DIP2C: variants seen among roughly 807,000 people sequenced by gnomAD.
The protein encoded by DIP2C is DIP2 acetate--CoA ligase C (putative).
DIP2C carries 33 observed loss-of-function variants against 192.4 expected under a neutral mutation model. The observed-to-expected ratio is 0.17, with a 90% CI of 0.13 to 0.23. DIP2C has a LOEUF of 0.23. DIP2C is among the 10% of genes least tolerant of loss of function. DIP2C has a pLI of 1.00. For synonymous variants in DIP2C, 979 were observed against 864.1 expected, an observed-to-expected ratio of 1.13 and a Z score of -2.33; for missense variants, 1,537 against 2,110.1, an observed-to-expected ratio of 0.73 and a Z score of 5.32.
intron 3 of DIP2C, among the ~76,000 whole-genome samples, chr10:453,885 C>T (rs1969063509): frequency 6.6e-6 from 1 of 152,170 alleles, no homozygotes; most frequent in African/African-American, 2.4e-5. Flanking sequence ...GGCTGCCATG[C>T]AACACAGAGG....
At chr10:298,987 G>T (rs1172357617) in intron 32 of DIP2C, among the ~76,000 whole-genome samples, 1 of 152,212 alleles carries the variant, frequency 6.6e-6, no homozygotes, top group Non-Finnish European at 1.5e-5. Flanking sequence ...ATATGTTTAT[G>T]AGCATGTGTA....
intron 1 of DIP2C, among the ~76,000 whole-genome samples, chr10:506,617 G>A (rs1216784034): frequency 2.0e-5 from 3 of 152,144 alleles, no homozygotes; most frequent in Non-Finnish European, 4.4e-5. Flanking sequence ...CCAGCAACAC[G>A]CATGCCTACA....
intron 1 of DIP2C, among the ~76,000 whole-genome samples, chr10:603,659 G>C (rs997696692): frequency 3.3e-5 from 5 of 152,140 alleles, no homozygotes; most frequent in African/African-American, 7.2e-5. Flanking sequence ...TTATAATTTA[G>C]GGCACACAAA....
intron 1 of DIP2C, among the ~76,000 whole-genome samples, chr10:542,762 C>T (rs1231452120): frequency 5.9e-5 from 9 of 151,832 alleles, no homozygotes; most frequent in Admixed American, 5.2e-4. Context: ...GGGTTCTGAC[C>T]TTGTCCCTCT....
chr10:326,923 G>C lies in DIP2C; in HGVS notation c.3924+83C>G. The stretch of plus-strand genomic sequence containing the variant: ...TGGATGTAGCTAAGCATCAGCCGAG[G>C]GAGACGAGTGGAGCCAGTCTGTGCT... On this transcript the variant is annotated intron_variant, in intron 31 of 36. Transcript: ENST00000280886. 4.7e-6 allele frequency: 7 copies of C among 1,489,710 alleles called. No homozygotes were observed. In the South Asian group the frequency reaches 9.3e-5, roughly 20 times the overall value. 92.3% of individuals were successfully genotyped at this position (1,489,710 alleles called of 1,614,324 possible).
intron 1 of DIP2C, among the ~76,000 whole-genome samples, chr10:599,605 G>A (rs990053995): frequency 1.3e-5 from 2 of 152,178 alleles, no homozygotes; most frequent in Admixed American, 6.5e-5. Flanking sequence ...CCTGAAAAGG[G>A]CAAAATCGCA....
chr10:360,012 G>T (rs1959251223), intron 22 of DIP2C, among the ~76,000 whole-genome samples: 1 of 152,230 alleles, frequency 6.6e-6, no homozygotes, highest in African/African-American at 2.4e-5. Context: ...GCCTAAATGG[G>T]TTCCAAGGTT....
At position 415,887 on chromosome 10, in the gene DIP2C, T is replaced by C; in HGVS notation, c.741A>G (p.Gly247=). The C allele has an allele frequency of 6.2e-7, 1 of 1,613,640 alleles. No individual in the cohort carries two copies. The highest frequency in any genetic ancestry group is 8.5e-7 in the Non-Finnish European group (1 of 1,179,916). Residue 247 remains glycine, a splice_region_variant and synonymous_variant, in exon 7 of 37, where the codon GGA becomes GGG. Transcript: ENST00000280886. ...GNAELMETGD[G]VPVSSRVSAK... ...CTGACACCCGGCTACTTACTGGTAC[T>C]CCTGAAAAACAGGAATCAGCGGGTG...
intron 10 of DIP2C, among the ~76,000 whole-genome samples, chr10:397,646 C>G (rs1188060793): frequency 6.6e-6 from 1 of 152,242 alleles, no homozygotes; most frequent in African/African-American, 2.4e-5. Context: ...TCCTCCTACA[C>G]GACTGGCCGC....
intron 4 of DIP2C, among the ~76,000 whole-genome samples, chr10:424,360 T>G (rs1966430139): frequency 2.3e-5 from 1 of 44,402 alleles, no homozygotes; most frequent in Non-Finnish European, 3.9e-5. Context: ...CTTGGGTTTT[T>G]TTTTTTTTTT....
intron 23 of DIP2C, among the ~76,000 whole-genome samples, chr10:356,914 TGA>T (rs1959108456): frequency 6.6e-6 from 1 of 152,282 alleles, no homozygotes; most frequent in Admixed American, 6.5e-5. Flanking sequence ...GTGGCTACAG[TGA>T]GAGAATCAGA....
rs12774999 is a variant in DIP2C, at chr10:417,734, G to T, written c.739+1331C>A. On this transcript the variant is annotated intron_variant, in intron 6 of 36. Coordinates refer to ENST00000280886, the MANE Select transcript of DIP2C (RefSeq NM_014974.3). ...CAAATAGGCCTCCCTGTCTGCCTGC[G>T]CCTGTCAGGGCTCGGATAGGCATCC... 1.0e-3 allele frequency among the ~76,000 whole-genome samples: 100 copies of T among 100,298 alleles called. 3 individuals carry two copies. Among genetic ancestry groups the T allele is most frequent in the African/African-American group, 1.5e-3 (40 of 25,936 alleles). The allele number at this position is 100,298 out of a possible 152,430, so 65.8% of individuals were successfully genotyped here.
chr10:487,430 TCTGCCTCCACGG>T (rs1167011956), intron 1 of DIP2C, among the ~76,000 whole-genome samples: 3 of 152,238 alleles, frequency 2.0e-5, no homozygotes, highest in East Asian at 1.9e-4. Context: ...GGATGCTGCC[TCTGCCTCCACGG>T]CTGCCTCCAC....
rs1397593079 is a variant in DIP2C, at chr10:689,092, C to T, written c.85+402G>A. On this transcript the variant is annotated intron_variant, in intron 1 of 36. Coordinates refer to ENST00000280886, the MANE Select transcript of DIP2C (RefSeq NM_014974.3). The surrounding 1 kb of genome is among the most constrained non-coding windows in gnomAD (Gnocchi z 6.1). ...GCAGAGCGCACGGGAAGGCCGATCC[C>T]GCCGGGCCCGCTGCATCCTGCGTCC... Among the ~76,000 whole-genome samples, 5 of 151,970 alleles carry T rather than the reference C, an allele frequency of 3.3e-5. No individual in the cohort carries two copies. The highest frequency in any genetic ancestry group is 7.4e-5 in the Non-Finnish European group (5 of 67,906).
intron 1 of DIP2C, among the ~76,000 whole-genome samples, chr10:587,165 T>C (rs1253133114): frequency 2.7e-5 from 4 of 150,702 alleles, no homozygotes; most frequent in African/African-American, 9.8e-5. Context: ...GGGTCCCTGC[T>C]GACAGTGTGG....
chr10:369,215 G>T (rs1050234445), intron 18 of DIP2C, among the ~76,000 whole-genome samples: 7 of 152,200 alleles, frequency 4.6e-5, no homozygotes, highest in African/African-American at 1.7e-4. Context: ...AGGCACCAGT[G>T]TGGACCCTGC....
At chr10:682,956 C>A (rs1485312736) in intron 1 of DIP2C, among the ~76,000 whole-genome samples, 1 of 152,204 alleles carries the variant, frequency 6.6e-6, no homozygotes, top group African/African-American at 2.4e-5. Flanking sequence ...CTCTCCACGC[C>A]TCTCTACCCT....
intron 18 of DIP2C, 39 bp downstream of exon 18, chr10:369,455 A>G (rs1564624763): frequency 1.3e-6 from 2 of 1,485,544 alleles, no homozygotes; most frequent in Non-Finnish European, 1.8e-6. Flanking sequence ...AAAGCATTTA[A>G]TAACTGGTTA....
intron 3 of DIP2C, among the ~76,000 whole-genome samples, chr10:445,394 G>A (rs916691282): frequency 6.6e-6 from 1 of 150,952 alleles, no homozygotes; most frequent in Non-Finnish European, 1.5e-5. Flanking sequence ...CTGGGCATCT[G>A]TATATATTGG....
Sources: allele counts gnomAD v4.1 joint callset (sites outside exome capture counted in the v4.1 genomes callset), GRCh38; gene constraint gnomAD v4.1.1; non-coding constraint Gnocchi (gnomAD v3.1); transcripts MANE v1.5; gene names NCBI Gene and HGNC (gene_info 2026-07-23, HGNC 2026-07-21).